Variants in MYCBP2 observed in about 807,000 individuals in gnomAD.
The protein encoded by MYCBP2 is MYC binding protein 2, also known as E3 ubiquitin-protein ligase MYCBP2.
A neutral mutation model predicts 525.3 loss-of-function variants in MYCBP2; 120 were observed. The ratio of observed to expected loss-of-function variants is 0.23; its 90% CI spans 0.20 to 0.27. The LOEUF (loss-of-function observed/expected upper bound fraction) is 0.27. Among genes scored for constraint, MYCBP2 ranks in the 10% least tolerant of loss-of-function variants. The pLI, the probability that MYCBP2 is intolerant of heterozygous loss-of-function variation, is 1.00. For missense variants in MYCBP2, 4,149 were observed against 5,657.1 expected (o/e 0.73, Z 8.55); for synonymous variants, 1,894 against 1,955.8 (o/e 0.97, Z 0.83).
chr13:77,142,358 A>G (rs546884031), intron 49 of MYCBP2, among the ~76,000 whole-genome samples: 2 of 152,366 alleles, frequency 1.3e-5, no homozygotes, highest in South Asian at 2.1e-4. Context: ...GGCTTTATGA[A>G]TATATTGAAA....
At chr13:77,287,570 A>C (rs1238548125) in intron 3 of MYCBP2, among the ~76,000 whole-genome samples, 1 of 152,156 alleles carries the variant, frequency 6.6e-6, no homozygotes, top group Non-Finnish European at 1.5e-5. Context: ...ATAATGCAGA[A>C]GTTCAGTTGG....
chr13:77,237,399 A>T (rs2068080475), intron 17 of MYCBP2, among the ~76,000 whole-genome samples: 1 of 152,130 alleles, frequency 6.6e-6, no homozygotes, highest in Non-Finnish European at 1.5e-5. Context: ...ATATTAGACT[A>T]TTAACATTTA....
At chr13:77,257,505 A>G (rs1317718438) in intron 14 of MYCBP2, among the ~76,000 whole-genome samples, 166 bp downstream of exon 14, 2 of 152,100 alleles carry the variant, frequency 1.3e-5, no homozygotes, top group African/African-American at 4.8e-5. Flanking sequence ...TACCCCATAC[A>G]TATACCTACT....
At chr13:77,311,435 G>A (rs1185362213) in intron 1 of MYCBP2, among the ~76,000 whole-genome samples, 1 of 152,064 alleles carries the variant, frequency 6.6e-6, no homozygotes, top group Non-Finnish European at 1.5e-5. Flanking sequence ...ACCCTAAGAC[G>A]ATGCACATGT....
chr13:77,325,704 G>A (rs767213937), intron 1 of MYCBP2, among the ~76,000 whole-genome samples: 2 of 152,196 alleles, frequency 1.3e-5, no homozygotes, highest in African/African-American at 2.4e-5. Flanking sequence ...AAGCCTGTAA[G>A]TAACAGAGGA....
In MYCBP2 at chr13:77,097,362, T is replaced by G; in HGVS notation, c.9784+8A>C. The G allele has an allele frequency of 6.3e-7, 1 of 1,586,590 alleles. No individual in the cohort carries two copies. On this transcript the variant is annotated splice_region_variant and intron_variant, in intron 56 of 82. Coordinates refer to ENST00000544440, the MANE Select transcript of MYCBP2 (RefSeq NM_015057.5). ...GCACTTATACGTACATTCAACAGTA[T>G]CATTTACCTGGGTGAGCTTGTCTCA...
chr13:77,250,006 G>A lies in MYCBP2; in HGVS notation c.2381+1145C>T, dbSNP rs988522010. ...TGGGAGGCCGAGGCGGGCGGATCACGAGGTCAGGAGATCGAGACCATCCCG... is the reference window on the plus strand; with the variant it reads ...TGGGAGGCCGAGGCGGGCGGATCACAAGGTCAGGAGATCGAGACCATCCCG... On this transcript the variant is annotated intron_variant, in intron 15 of 82. Coordinates refer to ENST00000544440, the MANE Select transcript of MYCBP2 (RefSeq NM_015057.5). 5.3e-5 allele frequency among the ~76,000 whole-genome samples: 8 copies of A among 151,914 alleles called. 1 individual carries two copies. The highest frequency in any genetic ancestry group is 4.1e-4 in the South Asian group (2 of 4,822).
Position 77,261,287 on chromosome 13 carries a change from G to A in MYCBP2, c.1736C>T (p.Ser579Phe). Residue 579 changes from serine (S) to phenylalanine (F), a missense_variant, in exon 12 of 83, where the codon TCT becomes TTT. Ser to Phe is a radical substitution (Grantham distance 155). This residue lies in a region of MYCBP2 where 262 missense variants were observed against 419.3 expected (regional missense o/e 0.62). Coordinates refer to ENST00000544440, the MANE Select transcript of MYCBP2 (RefSeq NM_015057.5). ...GKWVELPITK[S>F]PKIVHFSVGH... is the part of the protein sequence containing the mutation. ...AACTGAGAAGTGTACTATCTTTGGA[G>A]ATTTTGTAATTGGTAGCTCAACCCA... The A allele has an allele frequency of 6.2e-7, 1 of 1,613,390 alleles. No homozygotes were observed. The highest frequency in any genetic ancestry group is 8.5e-7 in the Non-Finnish European group (1 of 1,179,712).
intron 28 of MYCBP2, among the ~76,000 whole-genome samples, chr13:77,191,237 T>C (rs577165522): frequency 1.3e-5 from 2 of 152,352 alleles, no homozygotes; most frequent in African/African-American, 2.4e-5. Context: ...GTGAAAGTTA[T>C]TTTAAAACAG....
At chr13:77,088,751 TA>T in intron 61 of MYCBP2, 80 bp downstream of exon 61, 3 of 1,240,852 alleles carry the variant, frequency 2.4e-6, no homozygotes, top group East Asian at 2.4e-5. Flanking sequence ...TTTCTGTTGG[TA>T]AAAAAGTGGC....
intron 11 of MYCBP2, 22 bp downstream of exon 11, chr13:77,262,010 AAATCAGAGAATGCTCATTTTT>A: frequency 6.7e-7 from 1 of 1,489,052 alleles, no homozygotes; most frequent in African/African-American, 1.4e-5. Context: ...TTAATCTCTT[AAATCAGAGAATGCTCATTTTT>A]AATCCAAAGA....
rs377390731 is a variant in MYCBP2, at chr13:77,067,708, G to A, written c.12328C>T (p.Leu4110=). 38 of 1,613,994 alleles carry A rather than the reference G, an allele frequency of 2.4e-5. No individual in the cohort carries two copies. The highest frequency in any genetic ancestry group is 3.1e-5 in the Non-Finnish European group (36 of 1,180,018). The change falls in exon 71 of 83, where the codon CTA becomes TTA. Residue 4110 remains leucine (L), a synonymous_variant. Transcript: ENST00000544440. The part of the protein sequence containing the change: ...WNKLGILDMF[L]GCIAKALTVQ... ...GTGAGTGCTTTGGCAATGCATCCTAGAAACATGTCCAAGATACCCAGCTTA... is the reference window on the plus strand; with the variant it reads ...GTGAGTGCTTTGGCAATGCATCCTAAAAACATGTCCAAGATACCCAGCTTA...
intron 1 of MYCBP2, among the ~76,000 whole-genome samples, chr13:77,311,277 CACA>C (rs2080169878): frequency 6.6e-6 from 1 of 152,132 alleles, no homozygotes; most frequent in Admixed American, 6.5e-5. Context: ...CAACAAAAAA[CACA>C]ACATCCTCCA....
At position 77,096,423 on chromosome 13, in the gene MYCBP2, T is replaced by A. The variant is rs1048418668; in HGVS notation, c.9843A>T (p.Gly3281=). 8 of 1,613,134 alleles carry A rather than the reference T, an allele frequency of 5.0e-6. No individual in the cohort carries two copies. Among genetic ancestry groups the A allele is most frequent in the Admixed American group, 1.7e-5 (1 of 59,876 alleles). ...CACCATCACCACAGTTACCAGCCCA[T>A]CCTCCACAAAAATGCCCAATGCTAT... ...GYNSIGHFCG[G]WAGNCGDGGI... is the part of the protein sequence containing the mutation. The change falls in exon 57 of 83, where the codon GGA becomes GGT. Residue 3281 remains glycine (G), a synonymous_variant. Transcript: ENST00000544440.
At chr13:77,213,875 T>C (rs890358209) in intron 21 of MYCBP2, among the ~76,000 whole-genome samples, 3 of 152,230 alleles carry the variant, frequency 2.0e-5, no homozygotes, top group African/African-American at 4.8e-5. Context: ...ATGATCTCTA[T>C]GTTTCCTGTA....
chr13:77,138,729 G>A (rs2054139300), intron 52 of MYCBP2, among the ~76,000 whole-genome samples: 1 of 152,138 alleles, frequency 6.6e-6, no homozygotes, highest in Non-Finnish European at 1.5e-5. Flanking sequence ...CTAAATAATA[G>A]TATTATAAGC....
At chr13:77,287,090 T>C (rs1261052923) in intron 3 of MYCBP2, among the ~76,000 whole-genome samples, 3 of 151,108 alleles carry the variant, frequency 2.0e-5, no homozygotes, top group African/African-American at 7.3e-5. Context: ...GGTTTCACCG[T>C]GTTAGCCAGG....
intron 32 of MYCBP2, 74 bp downstream of exon 32, chr13:77,185,029 C>T (rs2060595132): frequency 4.5e-6 from 6 of 1,339,544 alleles, no homozygotes; most frequent in African/African-American, 1.5e-5. Flanking sequence ...GATATGGCAA[C>T]TGCAATTTAT....
In MYCBP2 at chr13:77,058,340, C is replaced by T. The variant is rs2038573995; in HGVS notation, c.13207G>A (p.Glu4403Lys). 3 of 1,613,916 alleles carry T rather than the reference C, an allele frequency of 1.9e-6. No homozygotes were observed. The highest frequency in any genetic ancestry group is 1.3e-5 in the African/African-American group (1 of 74,902). The change falls in exon 78 of 83, where the codon GAA becomes AAA. Residue 4403 changes from glutamate to lysine, a missense_variant. Around this residue, in one of 21 missense-constraint regions of MYCBP2, gnomAD observed 220 missense variants for 396.0 expected, o/e 0.56. Transcript: ENST00000544440. The surrounding 1 kb of genome is among the most constrained non-coding windows in gnomAD (Gnocchi z 4.1). Reference protein sequence around the residue: ...CGHPCGGVKNEEHCLPCLHGC... With the variant: ...CGHPCGGVKNKEHCLPCLHGC... ...TGTAGACAGGGCAGACAGTGCTCTT[C>T]GTTTTTAACACCCCCGCATGGATGG... is the stretch of plus-strand genomic sequence containing the variant.
Sources: allele counts gnomAD v4.1 joint callset (sites outside exome capture counted in the v4.1 genomes callset), GRCh38; gene constraint gnomAD v4.1.1; regional missense constraint gnomAD v4.1.1; non-coding constraint Gnocchi (gnomAD v3.1); transcripts MANE v1.5; gene names NCBI Gene and HGNC (gene_info 2026-07-23, HGNC 2026-07-21).